The following ZMIZ1 variants were observed in gnomAD, a reference collection of about 807,000 sequenced individuals.
ZMIZ1 encodes the protein zinc finger MIZ-type containing 1, also known as zinc finger MIZ domain-containing protein 1.
Under a neutral mutation model 113.9 loss-of-function variants are expected in ZMIZ1, and 17 were observed. That is an observed-to-expected ratio of 0.15 (90% CI 0.10 to 0.22). The LOEUF is 0.22. Ranked by LOEUF, ZMIZ1 falls within the 10% of genes least tolerant of loss-of-function variation. ZMIZ1 has a pLI of 1.00. For synonymous variants in ZMIZ1, 607 were observed against 603.1 expected (o/e 1.01, Z -0.09); for missense variants, 1,059 against 1,477.8 (o/e 0.72, Z 4.65).
At chr10:79,098,424 C>T (rs984893063) in intron 1 of ZMIZ1, among the ~76,000 whole-genome samples, 8 of 152,168 alleles carry the variant, frequency 5.3e-5, no homozygotes, top group African/African-American at 9.7e-5. Context: ...GGAAGTGACT[C>T]GACCGCTCTG....
intron 7 of ZMIZ1, chr10:79,243,784 GGGCC>G (rs1415559127): frequency 5.0e-6 from 1 of 198,396 alleles, no homozygotes; most frequent in Non-Finnish European, 1.1e-5. Context: ...CCCACGGGCC[GGGCC>G]CTGGGCTCCC....
chr10:79,311,290 T>TGGGG, intron 24 of ZMIZ1, 106 bp downstream of exon 24: 1 of 102,696 alleles, frequency 9.7e-6, no homozygotes, highest in Non-Finnish European at 1.8e-5. Context: ...AGGGAGGAGG[T>TGGGG]GGGTGGGCGG....
In ZMIZ1 at chr10:79,298,579, A is replaced by G. The variant is rs146374216; in HGVS notation, c.1665A>G (p.Pro555=). ...KPNMSALPPP[P]ANHNDELRLT... Reference sequence around the variant, plus strand: ...ATATGAGCGCTCTGCCACCACCCCCAGGTGAGGGCCCTCCCTCCCTCTCTT... The same window carrying G: ...ATATGAGCGCTCTGCCACCACCCCCGGGTGAGGGCCCTCCCTCCCTCTCTT... The change falls in exon 15 of 25, where the codon CCA becomes CCG. Residue 555 remains proline, a splice_region_variant and synonymous_variant. Coordinates refer to ENST00000334512, the MANE Select transcript of ZMIZ1 (RefSeq NM_020338.4). The G allele has an allele frequency of 7.3e-4, 1,167 of 1,594,320 alleles. 3 individuals carry two copies. The highest frequency in any genetic ancestry group is 9.4e-4 in the Non-Finnish European group (1,099 of 1,172,992).
Position 79,223,073 on chromosome 10 carries a change from C to A in ZMIZ1, c.280+6799C>A, listed in dbSNP as rs1849047203. On this transcript the variant is annotated intron_variant, in intron 7 of 24. Transcript: ENST00000334512. Reference sequence around the variant, plus strand: ...ACTCCGATCTCCCCCTCACGCCTCCCTTGTGGCTGCTCTCCACCCCTCTCT... The same window carrying A: ...ACTCCGATCTCCCCCTCACGCCTCCATTGTGGCTGCTCTCCACCCCTCTCT... Among the ~76,000 whole-genome samples the A allele has an allele frequency of 1.3e-5, 2 of 152,220 alleles. 1 individual carries two copies. The highest frequency in any genetic ancestry group is 4.1e-4 in the South Asian group (2 of 4,832).
chr10:79,289,174 C>T (rs769829774), intron 8 of ZMIZ1, among the ~76,000 whole-genome samples: 7 of 151,864 alleles, frequency 4.6e-5, no homozygotes, highest in Non-Finnish European at 1.0e-4. Context: ...CATGAGAGAT[C>T]GGGGTGGGGG....
chr10:79,300,350 A>G (rs940003638), intron 16 of ZMIZ1, among the ~76,000 whole-genome samples: 1 of 152,212 alleles, frequency 6.6e-6, no homozygotes, highest in African/African-American at 2.4e-5. Context: ...GACAGCTCCC[A>G]GCAGGTCTAG....
In ZMIZ1 at chr10:79,298,445, C is replaced by T. The variant is rs1225203652; in HGVS notation, c.1531C>T (p.Pro511Ser). Residue 511 changes from proline to serine, a missense_variant, in exon 15 of 25, where the codon CCT (proline) becomes TCT (serine). Around this residue, in one of 6 missense-constraint regions of ZMIZ1, gnomAD observed 239 missense variants for 247.5 expected, o/e 0.97. Transcript: ENST00000334512. Reference sequence around the variant, plus strand: ...TCCTGTGGCAAATTACCCCCACTCACCTGTTCCAGGGAACCCCACACCCCC... The same window carrying T: ...TCCTGTGGCAAATTACCCCCACTCATCTGTTCCAGGGAACCCCACACCCCC... ...PVPVANYPHSPVPGNPTPPMT... is the reference protein window; with the variant it reads ...PVPVANYPHSSVPGNPTPPMT... 1.9e-6 allele frequency: 3 copies of T among 1,609,884 alleles called. No individual in the cohort carries two copies. The African/African-American group carries it at 4.0e-5, about 22-fold the overall frequency.
In ZMIZ1 at chr10:79,262,715, G is replaced by A. The variant is rs112993180; in HGVS notation, c.281-14466G>A. 4.7e-3 allele frequency among the ~76,000 whole-genome samples: 709 copies of A among 152,298 alleles called. 17 individuals are homozygous for A. Among genetic ancestry groups the A allele is most frequent in the East Asian group, 0.012 (64 of 5,182 alleles). ...CGTGTGCTTGTGCACGACTAAAACC[G>A]GTAGCTAGCATGCTAAAAGAGTGAC... On this transcript the variant is annotated intron_variant, in intron 7 of 24. Transcript: ENST00000334512.
At chr10:79,148,421 G>C (rs1419714009) in intron 3 of ZMIZ1, among the ~76,000 whole-genome samples, 3 of 152,198 alleles carry the variant, frequency 2.0e-5, no homozygotes, top group Non-Finnish European at 4.4e-5. Flanking sequence ...CTGAGACAAG[G>C]GGGTGTAGAG....
At chr10:79,292,524 TTAGAATGGCGCATGTC>T (rs1463115311) in intron 11 of ZMIZ1, among the ~76,000 whole-genome samples, 168 bp downstream of exon 11, 11 of 152,134 alleles carry the variant, frequency 7.2e-5, no homozygotes, top group African/African-American at 2.2e-4. Flanking sequence ...GTCTGTGTGT[TTAGAATGGCGCATGTC>T]TAGAATGGGG....
At chr10:79,309,378 C>A (rs1220902924) in intron 23 of ZMIZ1, among the ~76,000 whole-genome samples, 1 of 152,238 alleles carries the variant, frequency 6.6e-6, no homozygotes, top group Non-Finnish European at 1.5e-5. Flanking sequence ...CCTCCCTGCT[C>A]TCCCAGGGTG....
At chr10:79,134,830 AAT>A (rs1844927509) in intron 2 of ZMIZ1, among the ~76,000 whole-genome samples, 1 of 152,176 alleles carries the variant, frequency 6.6e-6, no homozygotes, top group Admixed American at 6.5e-5. Flanking sequence ...TAAATAATTA[AAT>A]AGTTTTTTTT....
chr10:79,242,648 G>A (rs1849904722), intron 7 of ZMIZ1, among the ~76,000 whole-genome samples: 1 of 151,804 alleles, frequency 6.6e-6, no homozygotes, highest in East Asian at 2.0e-4. Flanking sequence ...CCACTTGGGA[G>A]GATTCGCTGG....
chr10:79,261,591 A>G (rs1345411984), intron 7 of ZMIZ1, among the ~76,000 whole-genome samples: 1 of 152,200 alleles, frequency 6.6e-6, no homozygotes, highest in African/African-American at 2.4e-5. Flanking sequence ...CGGAGCCTGC[A>G]GGACCTAGTT....
chr10:79,280,947 A>T (rs1852697293), intron 8 of ZMIZ1, among the ~76,000 whole-genome samples: 1 of 151,814 alleles, frequency 6.6e-6, no homozygotes, highest in Non-Finnish European at 1.5e-5. Context: ...ATTAATTCTA[A>T]CTCAGCCGTC....
At chr10:79,210,375 G>C (rs1300838189) in intron 6 of ZMIZ1, among the ~76,000 whole-genome samples, 1 of 152,234 alleles carries the variant, frequency 6.6e-6, no homozygotes, top group Admixed American at 6.5e-5. Flanking sequence ...GGCTCTTGTT[G>C]GGGGACAGGC....
intron 2 of ZMIZ1, among the ~76,000 whole-genome samples, chr10:79,133,898 G>C (rs1404322014): frequency 1.3e-5 from 2 of 152,224 alleles, no homozygotes; most frequent in Non-Finnish European, 2.9e-5. Flanking sequence ...TCCATCAGCT[G>C]CCTAATTACC....
chr10:79,193,547 T>C (rs1032609173), intron 4 of ZMIZ1, among the ~76,000 whole-genome samples: 1 of 152,228 alleles, frequency 6.6e-6, no homozygotes, highest in Non-Finnish European at 1.5e-5. Context: ...ACCCATCTAA[T>C]GAGTACCTGC....
intron 7 of ZMIZ1, among the ~76,000 whole-genome samples, chr10:79,238,058 C>T (rs1037192946): frequency 1.3e-5 from 2 of 152,338 alleles, no homozygotes; most frequent in East Asian, 3.9e-4. Context: ...ACCGGCTCCC[C>T]GCTTGCCCCC....
Sources: gnomAD v4.1 joint callset for allele counts (sites outside exome capture counted in the v4.1 genomes callset) on GRCh38, gnomAD v4.1.1 for gene constraint, gnomAD v4.1.1 regional missense constraint, MANE v1.5 for transcripts, NCBI Gene and HGNC (gene_info 2026-07-23, HGNC 2026-07-21) for gene names.